The following TMEM177 variants were observed in gnomAD, a reference collection of about 807,000 sequenced individuals.
TMEM177 encodes transmembrane protein 177.
Under a neutral mutation model 14.2 loss-of-function variants are expected in TMEM177, and 4 were observed. The observed-to-expected ratio is 0.28, with a 90% CI of 0.14 to 0.64. The LOEUF (loss-of-function observed/expected upper bound fraction) is 0.64. TMEM177 is among the 30% of genes least tolerant of loss of function. The pLI is 0.82. For synonymous variants in TMEM177, 179 were observed against 174.5 expected (o/e 1.03, Z -0.20); for missense variants, 344 against 405.2 (o/e 0.85, Z 1.30).
the TMEM177 span, among the ~76,000 whole-genome samples, chr2:119,706,704 A>G: frequency 1.3e-5 from 2 of 152,176 alleles, no homozygotes; most frequent in Non-Finnish European, 2.9e-5. Context: ...TTACCTTACA[A>G]GAGGTCCAGG....
the TMEM177 span, among the ~76,000 whole-genome samples, chr2:119,720,336 G>T: frequency 6.6e-6 from 1 of 151,552 alleles, no homozygotes; most frequent in Admixed American, 6.6e-5. Context: ...GTACAATGGC[G>T]CAATCTCGGC....
chr2:119,686,025 A>G, downstream of TMEM177: 1 of 276,342 alleles, frequency 3.6e-6, no homozygotes. Context: ...ATGGAGCTCT[A>G]GGAGGCACCA....
At chr2:119,685,824 C>T (rs1030521779), downstream of TMEM177, 14 of 674,986 alleles carry the variant, frequency 2.1e-5, no homozygotes, top group Admixed American at 4.7e-5. Flanking sequence ...CAGACTTATA[C>T]TGTGGACTCC....
chr2:119,682,804 G>A (rs1359790516), downstream of TMEM177, among the ~76,000 whole-genome samples: 1 of 152,196 alleles, frequency 6.6e-6, no homozygotes, highest in African/African-American at 2.4e-5. Flanking sequence ...CAAGGTGGGG[G>A]TAAGCTTGGC....
chr2:119,688,843 C>T (rs115561983), downstream of TMEM177, among the ~76,000 whole-genome samples: 915 of 152,312 alleles, frequency 6.0e-3, 10 homozygotes, highest in African/African-American at 0.021. Context: ...AGACCTGCTG[C>T]GGAGCGGATT....
At chr2:119,685,418 C>T (rs964811720), downstream of TMEM177, among the ~76,000 whole-genome samples, 15 of 151,984 alleles carry the variant, frequency 9.9e-5, no homozygotes, top group Non-Finnish European at 1.9e-4. Flanking sequence ...GAGCTGGGCG[C>T]GCACACACAC....
rs896908073 is a variant in TMEM177 at position 119,681,769 on chromosome 2, C to T, written c.916C>T (p.Leu306Phe). ...TGTGCTGCAGATGTGGAGGGGGATG[C>T]TCAATCCGGGCCGCTCCTGATGGGC... ...DSVLQMWRGM[L>F]NPGRS The change falls in exon 2 of 2, where the codon CTC (leucine) becomes TTC (phenylalanine). Residue 306 changes from leucine to phenylalanine, a missense_variant. Physicochemically the swap from Leu to Phe is conservative, Grantham distance 22. Coordinates refer to ENST00000272521, the MANE Select transcript of TMEM177 (RefSeq NM_030577.3). 3.1e-6 allele frequency: 5 copies of T among 1,613,714 alleles called. No homozygotes were observed. Among genetic ancestry groups the T allele is most frequent in the East Asian group, 2.2e-5 (1 of 44,884 alleles).
At chr2:119,722,402 G>T in the TMEM177 span, among the ~76,000 whole-genome samples, 4 of 151,410 alleles carry the variant, frequency 2.6e-5, no homozygotes, top group Admixed American at 2.0e-4. Context: ...AAAGGAAAAG[G>T]AAAAGAAGAA....
the TMEM177 span, among the ~76,000 whole-genome samples, chr2:119,706,919 ATTTTATTTTT>A: frequency 0.032 from 4,799 of 151,652 alleles, 133 homozygotes; most frequent in African/African-American, 0.084. Flanking sequence ...ATTTTATTTT[ATTTTATTTTT>A]GAGAAGGAGT....
chr2:119,685,460 C>T (rs1238928424), downstream of TMEM177, among the ~76,000 whole-genome samples: 4 of 151,760 alleles, frequency 2.6e-5, no homozygotes, highest in Non-Finnish European at 5.9e-5. Context: ...GTGTGTAGAT[C>T]ACAGGCTGAG....
At chr2:119,713,762 A>ATC in the TMEM177 span, among the ~76,000 whole-genome samples, 5 of 152,142 alleles carry the variant, frequency 3.3e-5, no homozygotes, top group East Asian at 9.6e-4. Context: ...TGAGCCCAGG[A>ATC]GCTTGGATCT....
chr2:119,687,298 G>A (rs1194544259), downstream of TMEM177, among the ~76,000 whole-genome samples: 2 of 152,152 alleles, frequency 1.3e-5, no homozygotes, highest in Non-Finnish European at 2.9e-5. Flanking sequence ...GTGTGAGCCT[G>A]GAATAGAATC....
At chr2:119,706,740 C>T in the TMEM177 span, among the ~76,000 whole-genome samples, 1 of 152,074 alleles carries the variant, frequency 6.6e-6, no homozygotes, top group African/African-American at 2.4e-5. Flanking sequence ...ACCGGTGAAG[C>T]TGCTCAAAAA....
the TMEM177 span, among the ~76,000 whole-genome samples, chr2:119,709,589 A>G: frequency 1.3e-5 from 2 of 152,218 alleles, no homozygotes; most frequent in Admixed American, 1.3e-4. Context: ...TGGGAGGCCA[A>G]GATGGGCGGA....
intron 1 of TMEM177, among the ~76,000 whole-genome samples, chr2:119,680,611 C>T (rs1265163812): frequency 1.3e-5 from 2 of 152,146 alleles, no homozygotes; most frequent in Non-Finnish European, 2.9e-5. Context: ...TCACCGCCAC[C>T]CTAGAGGTGG....
chr2:119,681,026 C>G lies in TMEM177; in HGVS notation c.173C>G (p.Pro58Arg). The G allele has an allele frequency of 6.2e-7, 1 of 1,614,246 alleles. No individual in the cohort carries two copies. The highest frequency in any genetic ancestry group is 1.3e-5 in the African/African-American group (1 of 75,062). ...YWPQGQPAPL[P>R]PQLQSLFQEV... is the part of the protein sequence containing the mutation. ...CCTCAGGGCCAGCCAGCTCCGCTCC[C>G]TCCACAGCTGCAGAGCCTCTTCCAA... Residue 58 changes from proline (P) to arginine (R), a missense_variant, in exon 2 of 2, where the codon CCT becomes CGT. Physicochemically the swap from Pro to Arg is moderately radical, Grantham distance 103. Transcript: ENST00000272521.
the TMEM177 span, among the ~76,000 whole-genome samples, chr2:119,709,837 AAAT>A: frequency 6.6e-6 from 1 of 152,130 alleles, no homozygotes; most frequent in Non-Finnish European, 1.5e-5. Flanking sequence ...ATAAATAAAC[AAAT>A]AAATAAATAA....
the TMEM177 span, among the ~76,000 whole-genome samples, chr2:119,717,349 GAAAAA>G: frequency 7.9e-5 from 12 of 151,300 alleles, no homozygotes; most frequent in Non-Finnish European, 1.6e-4. Flanking sequence ...AAAAGAAAAA[GAAAAA>G]AAAGAAAAGG....
chr2:119,714,374 C>T, the TMEM177 span, among the ~76,000 whole-genome samples: 2 of 152,214 alleles, frequency 1.3e-5, no homozygotes, highest in African/African-American at 2.4e-5. Flanking sequence ...ACTACAAAGA[C>T]TTGACAACCC....
Sources: gnomAD v4.1 joint callset for allele counts (sites outside exome capture counted in the v4.1 genomes callset) on GRCh38, gnomAD v4.1.1 for gene constraint, MANE v1.5 for transcripts, NCBI Gene and HGNC (gene_info 2026-07-23, HGNC 2026-07-21) for gene names.